GPC6: variants seen among roughly 807,000 people sequenced by gnomAD.
GPC6 encodes the protein glypican 6.
GPC6 carries 14 observed loss-of-function variants against 55.2 expected under a neutral mutation model. The ratio of observed to expected loss-of-function variants is 0.25; its 90% CI spans 0.17 to 0.40. The LOEUF (loss-of-function observed/expected upper bound fraction) is 0.40. GPC6 is among the 10% of genes least tolerant of loss of function. The pLI, the probability that GPC6 is intolerant of heterozygous loss-of-function variation, is 1.00. For missense variants in GPC6, 641 were observed against 708.5 expected (o/e 0.90, Z 1.08); for synonymous variants, 278 against 259.6 (o/e 1.07, Z -0.68).
intron 6 of GPC6, among the ~76,000 whole-genome samples, chr13:94,328,729 G>A (rs1877250494): frequency 6.6e-6 from 1 of 152,226 alleles, no homozygotes; most frequent in South Asian, 2.1e-4. Context: ...TCAGGGAAAG[G>A]AAAGGGGGCT....
chr13:93,458,657 G>A (rs1438033063), intron 1 of GPC6, among the ~76,000 whole-genome samples: 1 of 152,148 alleles, frequency 6.6e-6, no homozygotes, highest in Non-Finnish European at 1.5e-5. Context: ...ATGGGAACTA[G>A]AAGCTTACAA....
rs183153446 is a variant in GPC6, at chr13:93,737,362, C to G, written c.320-92792C>G. Among the ~76,000 whole-genome samples, 412 of 152,258 alleles carry G rather than the reference C, an allele frequency of 2.7e-3. 1 individual carries two copies. Among genetic ancestry groups the G allele is most frequent in the Middle Eastern group, 0.014 (4 of 294 alleles). On this transcript the variant is annotated intron_variant, in intron 2 of 8. Coordinates refer to ENST00000377047, the MANE Select transcript of GPC6 (RefSeq NM_005708.5). ...GCTTAAGATTTTTCCTACAACTGTG[C>G]CATGTTTTCTAATCTTCTGAAGTAC...
At position 93,328,838 on chromosome 13, in the gene GPC6, T is replaced by C. The variant is rs185608481; in HGVS notation, c.160+101222T>C. Among the ~76,000 whole-genome samples the C allele has an allele frequency of 3.0e-3, 458 of 152,244 alleles. 1 individual carries two copies. Among genetic ancestry groups the C allele is most frequent in the Non-Finnish European group, 3.6e-3 (244 of 68,024 alleles). On this transcript the variant is annotated intron_variant, in intron 1 of 8. Transcript: ENST00000377047. The stretch of plus-strand genomic sequence containing the variant: ...AGTATTATAGAAGGACTGTGTAATA[T>C]TGGAAAACTTAGGAATCTTCCCTCA...
chr13:94,407,851 C>T lies in GPC6; in HGVS notation c.*4634C>T, dbSNP rs1487420100. ...CTGCTAAAGATTTATTTCACAAATG[C>T]TTATTGAACTCTTATTCTCTATAAA... On this transcript the variant is annotated 3_prime_UTR_variant, in exon 9 of 9. Coordinates refer to ENST00000377047, the MANE Select transcript of GPC6 (RefSeq NM_005708.5). 2.0e-5 allele frequency among the ~76,000 whole-genome samples: 3 copies of T among 152,100 alleles called. No homozygotes were observed. Among genetic ancestry groups the T allele is most frequent in the Non-Finnish European group, 1.5e-5 (1 of 67,976 alleles).
At chr13:93,866,133 C>T (rs1425065836) in intron 3 of GPC6, among the ~76,000 whole-genome samples, 1 of 151,718 alleles carries the variant, frequency 6.6e-6, no homozygotes, top group African/African-American at 2.4e-5. Context: ...GGATGATTCA[C>T]TGTAGCATTC....
At chr13:93,816,439 G>A (rs1886851167) in intron 2 of GPC6, among the ~76,000 whole-genome samples, 1 of 151,692 alleles carries the variant, frequency 6.6e-6, no homozygotes, top group Admixed American at 6.6e-5. Context: ...TTAGAGTGAA[G>A]AGACCCAAAT....
chr13:94,017,773 A>G (rs1361000769), intron 3 of GPC6, among the ~76,000 whole-genome samples: 1 of 151,598 alleles, frequency 6.6e-6, no homozygotes, highest in Non-Finnish European at 1.5e-5. Flanking sequence ...CTGCCTCCCA[A>G]GTTCAAGCAA....
At chr13:94,329,580 A>G (rs1566681908) in intron 6 of GPC6, among the ~76,000 whole-genome samples, 2 of 152,344 alleles carry the variant, frequency 1.3e-5, no homozygotes, top group South Asian at 4.1e-4. Context: ...ACAGTGAGAA[A>G]ATGCATCTGA....
chr13:93,568,907 T>C (rs1375382749), intron 2 of GPC6, among the ~76,000 whole-genome samples: 2 of 152,200 alleles, frequency 1.3e-5, no homozygotes, highest in Non-Finnish European at 2.9e-5. Flanking sequence ...TTTAGTTTTA[T>C]CTATGCATCC....
intron 3 of GPC6, among the ~76,000 whole-genome samples, chr13:93,846,515 T>C (rs1159352285): frequency 6.6e-6 from 1 of 152,194 alleles, no homozygotes; most frequent in Non-Finnish European, 1.5e-5. Flanking sequence ...GCCACATATA[T>C]AATTTGAAAT....
At chr13:93,879,240 A>T (rs959869655) in intron 3 of GPC6, among the ~76,000 whole-genome samples, 1 of 152,130 alleles carries the variant, frequency 6.6e-6, no homozygotes, top group African/African-American at 2.4e-5. Flanking sequence ...TTCTTCTAAA[A>T]TTTTTTCAAA....
Position 93,942,269 on chromosome 13 carries a change from G to A in GPC6, c.712-85460G>A, listed in dbSNP as rs116762688. The stretch of plus-strand genomic sequence containing the variant: ...TTTTCTGAAGGGTTCTGTGAGTCAG[G>A]AGTCTGGGTAAAACTTAGCTTCGAG... On this transcript the variant is annotated intron_variant, in intron 3 of 8. Transcript: ENST00000377047. Among the ~76,000 whole-genome samples, 22 of 152,272 alleles carry A rather than the reference G, an allele frequency of 1.4e-4. 1 individual carries two copies. Among genetic ancestry groups the A allele is most frequent in the African/African-American group, 4.8e-4 (20 of 41,554 alleles).
intron 2 of GPC6, among the ~76,000 whole-genome samples, chr13:93,823,290 G>T (rs1424040920): frequency 6.6e-6 from 1 of 151,852 alleles, no homozygotes; most frequent in Non-Finnish European, 1.5e-5. Flanking sequence ...TCATATCATG[G>T]TCTGAAAATT....
intron 3 of GPC6, among the ~76,000 whole-genome samples, chr13:93,914,103 A>G (rs1244488278): frequency 6.6e-6 from 1 of 152,132 alleles, no homozygotes; most frequent in East Asian, 1.9e-4. Context: ...TTTAGGGTAC[A>G]TGTGCACAAC....
chr13:93,588,783 C>T (rs2139503337), intron 2 of GPC6, among the ~76,000 whole-genome samples: 1 of 152,274 alleles, frequency 6.6e-6, no homozygotes, highest in African/African-American at 2.4e-5. Flanking sequence ...ACCCAAACAC[C>T]AGGCCCCACC....
chr13:94,188,874 T>C (rs1889292232), intron 4 of GPC6, among the ~76,000 whole-genome samples: 5 of 152,148 alleles, frequency 3.3e-5, no homozygotes, highest in Admixed American at 2.0e-4. Context: ...ATCTGGTCAG[T>C]CGTCAAAGGA....
rs115048352 is a variant in GPC6, at chr13:94,166,433, G to T, written c.878-119916G>T. Among the ~76,000 whole-genome samples the T allele has an allele frequency of 2.2e-3, 341 of 152,184 alleles. 4 individuals are homozygous for T. The highest frequency in any genetic ancestry group is 8.0e-3 in the African/African-American group (333 of 41,532). On this transcript the variant is annotated intron_variant, in intron 4 of 8. Coordinates refer to ENST00000377047, the MANE Select transcript of GPC6 (RefSeq NM_005708.5). ...CTGTCGTTGCAAACCCATTCATGTT[G>T]CAACCTGAGCCTGAATTCCACTCTC...
chr13:94,244,903 T>C (rs1247452562), intron 4 of GPC6, among the ~76,000 whole-genome samples: 1 of 152,102 alleles, frequency 6.6e-6, no homozygotes, highest in East Asian at 1.9e-4. Context: ...AAATCTTATT[T>C]TGTATATTTA....
At chr13:93,648,395 TA>T (rs1880266798) in intron 2 of GPC6, among the ~76,000 whole-genome samples, 1 of 152,170 alleles carries the variant, frequency 6.6e-6, no homozygotes, top group Non-Finnish European at 1.5e-5. Flanking sequence ...TATTATTAAA[TA>T]TATTCATATA....
Sources: allele counts gnomAD v4.1 joint callset (sites outside exome capture counted in the v4.1 genomes callset), GRCh38; gene constraint gnomAD v4.1.1; transcripts MANE v1.5; gene names NCBI Gene and HGNC (gene_info 2026-07-23, HGNC 2026-07-21).